The following SUN3 variants were observed in gnomAD, a reference collection of about 807,000 sequenced individuals.
SUN3 encodes Sad1 and UNC84 domain containing 3.
SUN3 carries 36 observed loss-of-function variants against 48.2 expected under a neutral mutation model. That is an observed-to-expected ratio of 0.75 (90% CI 0.57 to 0.99). The LOEUF is 0.99. Among genes scored for constraint, SUN3 ranks in the 50% least tolerant of loss-of-function variants. The pLI, the probability that SUN3 is intolerant of heterozygous loss-of-function variation, is 0.00. For synonymous variants in SUN3, 148 were observed against 147.9 expected, an observed-to-expected ratio of 1.00 and a Z score of 0.00; for missense variants, 419 against 433.1, an observed-to-expected ratio of 0.97 and a Z score of 0.29.
intron 6 of SUN3, among the ~76,000 whole-genome samples, chr7:48,002,151 C>CTTTTTTTTTTTTTTTT (rs71006541): frequency 1.6e-5 from 1 of 64,136 alleles, no homozygotes; most frequent in African/African-American, 1.0e-4. Context: ...TTGCATTTCT[C>CTTTTTTTTTTTTTTTT]TTTTTTTTTT....
At chr7:47,997,749 C>A (rs1435522034) in intron 6 of SUN3, among the ~76,000 whole-genome samples, 1 of 152,190 alleles carries the variant, frequency 6.6e-6, no homozygotes, top group African/African-American at 2.4e-5. Flanking sequence ...CCTCTCTCCC[C>A]AAGCCTTGGC....
chr7:48,026,833 G>T (rs13233970), intron 1 of SUN3, among the ~76,000 whole-genome samples: 1 of 151,982 alleles, frequency 6.6e-6, no homozygotes, highest in Non-Finnish European at 1.5e-5. Context: ...GAGAGCCCTC[G>T]CTAGAGACCA....
At chr7:48,010,591 C>T (rs1789657222) in intron 3 of SUN3, among the ~76,000 whole-genome samples, 1 of 152,184 alleles carries the variant, frequency 6.6e-6, no homozygotes, top group African/African-American at 2.4e-5. Context: ...TGGGTTTAAA[C>T]TTAAATCTTG....
chr7:47,996,144 C>T lies in SUN3; in HGVS notation c.580G>A (p.Ala194Thr), dbSNP rs1315407939. The T allele has an allele frequency of 6.6e-7, 1 of 1,519,724 alleles. No individual in the cohort carries two copies. The highest frequency in any genetic ancestry group is 2.1e-5 in the Admixed American group (1 of 47,462). 94.1% of individuals were successfully genotyped at this position (1,519,724 alleles called of 1,614,324 possible). The change falls in exon 7 of 10, where the codon GCC becomes ACC. Residue 194 changes from alanine (A) to threonine (T), a missense_variant and splice_region_variant. Ala to Thr is a moderately conservative substitution (Grantham distance 58, BLOSUM62 0). Transcript: ENST00000297325. ...GAGGTCCCAGCTTCAATGATGGAGG[C>T]TCCTAAAATTATAAAGTAAGTTGTA... The part of the protein sequence containing the change: ...MADYALKSAG[A>T]SIIEAGTSES...
At chr7:48,028,733 G>A (rs1331383889) in intron 1 of SUN3, 84 bp downstream of exon 1, 10 of 1,535,418 alleles carry the variant, frequency 6.5e-6, no homozygotes, top group Non-Finnish European at 8.0e-6. Flanking sequence ...TCGGGTAACA[G>A]GTAACAGATG....
At chr7:48,019,977 C>CAAAAAAAAAAAAAAAAAAAAAAAAAAAAA (rs869166401) in intron 2 of SUN3, among the ~76,000 whole-genome samples, 2 of 64,150 alleles carry the variant, frequency 3.1e-5, no homozygotes, top group Non-Finnish European at 7.0e-5. Flanking sequence ...AAAGACACAT[C>CAAAAAAAAAAAAAAAAAAAAAAAAAAAAA]AAAAAAAAAA....
chr7:47,995,824 T>C (rs1209478721), intron 7 of SUN3, among the ~76,000 whole-genome samples: 2 of 152,202 alleles, frequency 1.3e-5, no homozygotes, highest in Non-Finnish European at 2.9e-5. Flanking sequence ...GATAAATAAG[T>C]AAATAATTAA....
chr7:48,009,166 C>T, intron 3 of SUN3, 91 bp from the exon 4 acceptor site: 3 of 1,272,176 alleles, frequency 2.4e-6, no homozygotes, highest in Non-Finnish European at 3.3e-6. Context: ...ATAAATAGCA[C>T]ATTGACTCCT....
At chr7:48,026,999 C>T (rs1209058533) in intron 1 of SUN3, among the ~76,000 whole-genome samples, 8 of 152,306 alleles carry the variant, frequency 5.3e-5, no homozygotes, top group Admixed American at 1.3e-4. Context: ...CTTATCAACC[C>T]TATACCTCCC....
intron 6 of SUN3, among the ~76,000 whole-genome samples, chr7:48,004,175 C>T (rs1310905326): frequency 1.3e-5 from 2 of 152,102 alleles, no homozygotes; most frequent in East Asian, 3.9e-4. Context: ...GTGACAATTC[C>T]AACATCTGTG....
chr7:47,998,558 T>C (rs1341708060), intron 6 of SUN3, among the ~76,000 whole-genome samples: 1 of 152,202 alleles, frequency 6.6e-6, no homozygotes, highest in African/African-American at 2.4e-5. Context: ...TTAATTTTGT[T>C]GAAGCCCATA....
In SUN3 at chr7:48,029,006, G is replaced by GA; in HGVS notation, c.-69dup. The stretch of plus-strand genomic sequence containing the variant: ...ACATTTGTCCTCATTCCTATTTTAT[G>GA]AAAAACATGAAGCTATACATACAGT... On this transcript the variant is annotated 5_prime_UTR_variant, in exon 1 of 10. The change abolishes the stop of an existing upstream ORF in the 5' untranslated region. Coordinates refer to ENST00000297325, the MANE Select transcript of SUN3 (RefSeq NM_001030019.2). The GA allele has an allele frequency of 6.2e-7, 1 of 1,600,030 alleles. No individual in the cohort carries two copies.
chr7:48,032,178 G>T (rs773153375), upstream of SUN3, among the ~76,000 whole-genome samples: 20 of 152,146 alleles, frequency 1.3e-4, no homozygotes, highest in Non-Finnish European at 2.8e-4. Flanking sequence ...ACATTCCAGG[G>T]ATCGAATGTA....
chr7:47,996,584 A>G (rs973137084), intron 6 of SUN3, among the ~76,000 whole-genome samples: 1 of 152,246 alleles, frequency 6.6e-6, no homozygotes, highest in Non-Finnish European at 1.5e-5. Flanking sequence ...GCAATTATGC[A>G]GATTCATTGA....
At chr7:48,035,774 G>C in the SUN3 span, 1 of 584,346 alleles carries the variant, frequency 1.7e-6, no homozygotes, top group Non-Finnish European at 3.0e-6. The surrounding 1 kb of genome is among the most constrained non-coding windows in gnomAD (Gnocchi z 4.0). Context: ...ATGAGCACAG[G>C]GCGGGATCTC....
chr7:48,020,235 A>G (rs1789954010), intron 2 of SUN3, among the ~76,000 whole-genome samples: 1 of 152,176 alleles, frequency 6.6e-6, no homozygotes, highest in Non-Finnish European at 1.5e-5. Flanking sequence ...CTGATGCTGA[A>G]AAGGCATTTG....
chr7:47,994,411 T>C lies in SUN3; in HGVS notation c.765A>G (p.Thr255=). The change falls in exon 8 of 10, where the codon ACA becomes ACG. Residue 255 remains threonine (T), a synonymous_variant. Transcript: ENST00000297325. Reference sequence around the variant, plus strand: ...TGGTAACAGCAGTTGGTATGATCTTTGTAGCAAGCTTGATTAGGGTATGAC... The same window carrying C: ...TGGTAACAGCAGTTGGTATGATCTTCGTAGCAAGCTTGATTAGGGTATGAC... The part of the protein sequence containing the change: ...SQGHTLIKLA[T]KIIPTAVTME... 6.2e-7 allele frequency: 1 copy of C among 1,613,226 alleles called. No homozygotes were observed. Among genetic ancestry groups the C allele is most frequent in the Non-Finnish European group, 8.5e-7 (1 of 1,179,654 alleles).
intron 3 of SUN3, among the ~76,000 whole-genome samples, chr7:48,016,138 A>T (rs1033073194): frequency 2.0e-5 from 3 of 152,028 alleles, no homozygotes; most frequent in African/African-American, 7.2e-5. Context: ...CCAGGCCAGT[A>T]ATCTGACTCA....
intron 2 of SUN3, among the ~76,000 whole-genome samples, chr7:48,024,111 G>A (rs1181559350): frequency 6.6e-6 from 1 of 152,082 alleles, no homozygotes; most frequent in African/African-American, 2.4e-5. Flanking sequence ...AATATTATAA[G>A]AGCTAAAACC....
Sources: allele counts gnomAD v4.1 joint callset (sites outside exome capture counted in the v4.1 genomes callset), GRCh38; gene constraint gnomAD v4.1.1; non-coding constraint Gnocchi (gnomAD v3.1); transcripts MANE v1.5; gene names NCBI Gene and HGNC (gene_info 2026-07-23, HGNC 2026-07-21).